The following DNAAF9 variants were observed in gnomAD, a reference collection of about 807,000 sequenced individuals.
The protein encoded by DNAAF9 is dynein axonemal assembly factor 9.
Under a neutral mutation model 167.0 loss-of-function variants are expected in DNAAF9, and 90 were observed. That is an observed-to-expected ratio of 0.54 (90% CI 0.45 to 0.64). The LOEUF is 0.64. DNAAF9 is among the 30% of genes least tolerant of loss of function. The probability of loss-of-function intolerance (pLI) is 0.00; values close to 1 mark genes in which losing one functional copy is unlikely to be tolerated. For synonymous variants in DNAAF9, 491 were observed against 508.8 expected, an observed-to-expected ratio of 0.96 and a Z score of 0.47; for missense variants, 1,315 against 1,442.2, an observed-to-expected ratio of 0.91 and a Z score of 1.43.
In DNAAF9 at chr20:3,326,182, T is replaced by C. The variant is rs376096498; in HGVS notation, c.1188+15A>G. ...AATAATAATTACAGAAAGGGAAACA[T>C]GGTATTTAAATTACCTTTGTTAGAC... On this transcript the variant is annotated intron_variant, in intron 13 of 36. Coordinates refer to ENST00000252032, the MANE Select transcript of DNAAF9 (RefSeq NM_001009984.3). 9 of 1,499,194 alleles carry C rather than the reference T, an allele frequency of 6.0e-6. No homozygotes were observed. The highest frequency in any genetic ancestry group is 2.8e-5 in the African/African-American group (2 of 72,658). 92.9% of individuals were successfully genotyped at this position (1,499,194 alleles called of 1,614,324 possible). A position where few individuals can be genotyped will look rare whatever the true frequency, so the allele number is the denominator to read the frequency against.
rs1037742251 is a variant in DNAAF9, at chr20:3,251,552, A to T, written c.*1020T>A. On this transcript the variant is annotated 3_prime_UTR_variant, in exon 37 of 37. Coordinates refer to ENST00000252032, the MANE Select transcript of DNAAF9 (RefSeq NM_001009984.3). ...CATTAGAAGGAATTCTAACTCAGGT[A>T]TTGCAATTATTTGAAATTCCCAATC... 1 of 152,254 alleles carries T rather than the reference A, an allele frequency of 6.6e-6. No homozygotes were observed. The highest frequency in any genetic ancestry group is 1.9e-4 in the East Asian group (1 of 5,202). The allele number at this position is 152,254 out of a possible 1,614,324, so 9.4% of individuals were successfully genotyped here.
In DNAAF9 at chr20:3,278,967, G is replaced by A. The variant is rs1373256776; in HGVS notation, c.2613-18C>T. The A allele has an allele frequency of 4.4e-6, 7 of 1,576,936 alleles. No homozygotes were observed. Among genetic ancestry groups the A allele is most frequent in the Non-Finnish European group, 5.2e-6 (6 of 1,147,710 alleles). On this transcript the variant is annotated intron_variant, in intron 28 of 36. Transcript: ENST00000252032. ...AGAGAAATCTAGGGGGAAAAAAGGG[G>A]GAAATATTTAAAAACCATTCACCTC...
intron 1 of DNAAF9, among the ~76,000 whole-genome samples, chr20:3,404,533 C>T (rs1284255128): frequency 6.6e-6 from 1 of 152,076 alleles, no homozygotes; most frequent in African/African-American, 2.4e-5. Context: ...AGGCAAAAAC[C>T]GACTAGGCCT....
rs757003738 is a variant in DNAAF9 at position 3,340,632 on chromosome 20, G to A, written c.853C>T (p.Arg285Trp). 60 of 1,613,846 alleles carry A rather than the reference G, an allele frequency of 3.7e-5. No individual in the cohort carries two copies. Among genetic ancestry groups the A allele is most frequent in the Non-Finnish European group, 4.6e-5 (54 of 1,179,936 alleles). Residue 285 changes from arginine (R) to tryptophan (W), a missense_variant, in exon 10 of 37, where the codon CGG becomes TGG. Arg to Trp is a moderately radical substitution (Grantham distance 101). Transcript: ENST00000252032. ...SSHITENSPNRQPFVLFGNHS... is the reference protein window; with the variant it reads ...SSHITENSPNWQPFVLFGNHS... The stretch of plus-strand genomic sequence containing the variant: ...TTACCAAAGAGAACAAATGGCTGCC[G>A]GTTAGGGCTAGAGAGGGAAGTCAAA...
At chr20:3,298,349 A>AT (rs369801663) in intron 21 of DNAAF9, among the ~76,000 whole-genome samples, 174 bp from the exon 22 acceptor site, 34 of 150,470 alleles carry the variant, frequency 2.3e-4, no homozygotes, top group East Asian at 3.9e-4. Context: ...AAATAAAAGG[A>AT]TTTTTTTTTT....
intron 3 of DNAAF9, among the ~76,000 whole-genome samples, chr20:3,380,577 A>G (rs1001777528): frequency 2.0e-5 from 3 of 152,308 alleles, no homozygotes; most frequent in African/African-American, 7.2e-5. Flanking sequence ...GTCTTCAGAC[A>G]TTGCCAAATG....
chr20:3,394,948 T>C (rs1041908065), intron 1 of DNAAF9, among the ~76,000 whole-genome samples: 5 of 108,502 alleles, frequency 4.6e-5, no homozygotes, highest in African/African-American at 2.1e-4. Flanking sequence ...TTTTCTTTTT[T>C]CTTTTTTTTT....
At chr20:3,407,398 C>G in intron 1 of DNAAF9, 77 bp downstream of exon 1, 1 of 1,138,252 alleles carries the variant, frequency 8.8e-7, no homozygotes, top group Non-Finnish European at 1.1e-6. Flanking sequence ...CCACGCCCTG[C>G]GGCGGGAGGC....
chr20:3,346,274 G>A (rs935107314), intron 8 of DNAAF9, among the ~76,000 whole-genome samples: 7 of 152,130 alleles, frequency 4.6e-5, no homozygotes, highest in African/African-American at 1.7e-4. Context: ...CATGACATAT[G>A]CACTCACCTT....
At chr20:3,355,584 A>AAT (rs2083273744) in intron 7 of DNAAF9, among the ~76,000 whole-genome samples, 1 of 152,014 alleles carries the variant, frequency 6.6e-6, no homozygotes. Flanking sequence ...AAAAAAAAAA[A>AAT]GAAATTTTTA....
At chr20:3,364,890 C>CTTCCT (rs942904324) in intron 6 of DNAAF9, among the ~76,000 whole-genome samples, 2 of 151,530 alleles carry the variant, frequency 1.3e-5, no homozygotes, top group Admixed American at 6.6e-5. Flanking sequence ...TTCCCCTCCC[C>CTTCCT]TTCCTTTCCT....
At chr20:3,289,710 C>A (rs1472639161) in intron 26 of DNAAF9, among the ~76,000 whole-genome samples, 1 of 151,886 alleles carries the variant, frequency 6.6e-6, no homozygotes, top group African/African-American at 2.4e-5. Context: ...GTAGGTTTTG[C>A]CATGTTGTCA....
At chr20:3,389,157 G>C (rs1217316762) in intron 1 of DNAAF9, among the ~76,000 whole-genome samples, 1 of 151,738 alleles carries the variant, frequency 6.6e-6, no homozygotes, top group African/African-American at 2.4e-5. Flanking sequence ...TTTTAGTAGA[G>C]ATGAGGTTTC....
intron 16 of DNAAF9, among the ~76,000 whole-genome samples, chr20:3,320,204 A>G (rs2069589211): frequency 6.6e-6 from 1 of 152,214 alleles, no homozygotes; most frequent in South Asian, 2.1e-4. Flanking sequence ...TTCTTATATG[A>G]AGGTCATCAT....
chr20:3,298,718 G>C (rs777034127), intron 21 of DNAAF9, among the ~76,000 whole-genome samples: 1 of 152,066 alleles, frequency 6.6e-6, no homozygotes, highest in Non-Finnish European at 1.5e-5. Flanking sequence ...CCATTCTGAG[G>C]ACTGTCTTTT....
At chr20:3,320,772 A>T (rs1055943968) in intron 16 of DNAAF9, among the ~76,000 whole-genome samples, 2 of 152,238 alleles carry the variant, frequency 1.3e-5, no homozygotes, top group Admixed American at 1.3e-4. Context: ...CTTTTGAGTT[A>T]CTTTTCCACA....
At chr20:3,255,395 C>G (rs984722386) in intron 34 of DNAAF9, 111 bp from the exon 35 acceptor site, 1 of 687,298 alleles carries the variant, frequency 1.5e-6, no homozygotes, top group Admixed American at 2.2e-5. Context: ...GTGGGGAAAG[C>G]ACGTGCGCTA....
intron 6 of DNAAF9, among the ~76,000 whole-genome samples, chr20:3,372,271 C>T (rs1429743017): frequency 6.6e-6 from 1 of 152,182 alleles, no homozygotes; most frequent in East Asian, 1.9e-4. Flanking sequence ...CCAAACTGCT[C>T]CACACCTCAA....
chr20:3,387,965 C>T (rs926316442), intron 1 of DNAAF9, among the ~76,000 whole-genome samples: 4 of 144,824 alleles, frequency 2.8e-5, no homozygotes, highest in Non-Finnish European at 6.0e-5. Flanking sequence ...ACTCATGAGG[C>T]TAAGGTAAGA....
Sources: gnomAD v4.1 joint callset for allele counts (sites outside exome capture counted in the v4.1 genomes callset) on GRCh38, gnomAD v4.1.1 for gene constraint, MANE v1.5 for transcripts, NCBI Gene and HGNC (gene_info 2026-07-23, HGNC 2026-07-21) for gene names.